The following ROBO2 variants were observed in gnomAD, a reference collection of about 807,000 sequenced individuals.
The protein encoded by ROBO2 is roundabout homolog 2.
A neutral mutation model predicts 160.8 loss-of-function variants in ROBO2; 53 were observed. The ratio of observed to expected loss-of-function variants is 0.33; its 90% CI spans 0.26 to 0.41. The LOEUF (loss-of-function observed/expected upper bound fraction) is 0.41. ROBO2 is among the 10% of genes least tolerant of loss of function. The pLI is 1.00. For missense variants in ROBO2, 1,577 were observed against 1,722.4 expected (o/e 0.92, Z 1.49); for synonymous variants, 664 against 611.7 (o/e 1.09, Z -1.26).
At chr3:77,196,024 G>A (rs2150977163) in intron 2 of ROBO2, among the ~76,000 whole-genome samples, 1 of 152,276 alleles carries the variant, frequency 6.6e-6, no homozygotes, top group Admixed American at 6.5e-5. Context: ...ATTCGGACTA[G>A]GGGGCATCAT....
intron 2 of ROBO2, among the ~76,000 whole-genome samples, chr3:77,337,941 T>C (rs1219709997): frequency 6.6e-6 from 1 of 152,200 alleles, no homozygotes; most frequent in Non-Finnish European, 1.5e-5. Context: ...AAGTTTGTTA[T>C]AGTAAATAAT....
At chr3:76,234,022 T>C (rs1312285270) in intron 2 of ROBO2, among the ~76,000 whole-genome samples, 2 of 152,166 alleles carry the variant, frequency 1.3e-5, no homozygotes, top group Non-Finnish European at 2.9e-5. Context: ...CTTCTTTGTG[T>C]TGATATGTAT....
chr3:76,701,858 A>G (rs987486870), intron 2 of ROBO2, among the ~76,000 whole-genome samples: 19 of 151,904 alleles, frequency 1.3e-4, no homozygotes, highest in Non-Finnish European at 1.9e-4. Context: ...TAAAAAAAAA[A>G]AAAAACAAAG....
intron 2 of ROBO2, among the ~76,000 whole-genome samples, chr3:76,891,073 T>G (rs1018915749): frequency 1.2e-4 from 19 of 152,216 alleles, no homozygotes; most frequent in African/African-American, 2.4e-5. Context: ...TCATGATTTA[T>G]TATTTCACTT....
chr3:76,173,172 C>G (rs960000594), intron 2 of ROBO2, among the ~76,000 whole-genome samples: 2 of 128,380 alleles, frequency 1.6e-5, no homozygotes, highest in African/African-American at 6.6e-5. Context: ...CACTTTTATT[C>G]ATCTTCATAA....
chr3:76,266,481 T>C (rs1404436796), intron 2 of ROBO2, among the ~76,000 whole-genome samples: 1 of 152,166 alleles, frequency 6.6e-6, no homozygotes, highest in Non-Finnish European at 1.5e-5. Flanking sequence ...GCCTCTGTTC[T>C]AAATCAGAGA....
At chr3:77,285,624 A>G (rs1023878675) in intron 2 of ROBO2, among the ~76,000 whole-genome samples, 1 of 152,142 alleles carries the variant, frequency 6.6e-6, no homozygotes, top group Non-Finnish European at 1.5e-5. Context: ...TTTTTAAACT[A>G]AAGCATTATG....
chr3:76,924,462 G>C (rs968665141), intron 2 of ROBO2, among the ~76,000 whole-genome samples: 20 of 152,206 alleles, frequency 1.3e-4, no homozygotes, highest in African/African-American at 4.8e-4. Flanking sequence ...GAATCTGCCA[G>C]TGCCTTGATC....
At chr3:77,648,053 C>A (rs1372588212) in exon 26 of ROBO2, 2 of 152,048 alleles carry the variant, frequency 1.3e-5, no homozygotes, top group Admixed American at 6.6e-5. Context: ...GTTATTAAAC[C>A]CTTTATCAAC....
intron 2 of ROBO2, among the ~76,000 whole-genome samples, chr3:76,060,776 ATAAT>A (rs1355924923): frequency 6.6e-6 from 1 of 152,210 alleles, no homozygotes; most frequent in Non-Finnish European, 1.5e-5. Context: ...TATGTGAAAG[ATAAT>A]TAATAGATCT....
intron 2 of ROBO2, among the ~76,000 whole-genome samples, chr3:76,034,605 T>C (rs2067038942): frequency 6.6e-6 from 1 of 152,176 alleles, no homozygotes; most frequent in Admixed American, 6.5e-5. Context: ...GGAAAAATAT[T>C]TATTTTGCAG....
intron 2 of ROBO2, among the ~76,000 whole-genome samples, chr3:76,982,786 A>T (rs926980554): frequency 6.6e-6 from 1 of 152,188 alleles, no homozygotes; most frequent in Non-Finnish European, 1.5e-5. Context: ...TGTATTGAAA[A>T]TGATATTAGG....
chr3:76,532,708 T>G (rs544487934), intron 2 of ROBO2, among the ~76,000 whole-genome samples: 1 of 152,106 alleles, frequency 6.6e-6, no homozygotes, highest in Non-Finnish European at 1.5e-5. Flanking sequence ...AAAAGATGCA[T>G]GTTCTAAGCA....
chr3:77,256,384 T>C (rs1248529556), intron 2 of ROBO2, among the ~76,000 whole-genome samples: 43 of 152,320 alleles, frequency 2.8e-4, no homozygotes, highest in African/African-American at 2.4e-5. Flanking sequence ...CTGCATAACA[T>C]GTAATTTGAG....
chr3:77,195,341 G>A (rs1421626773), intron 2 of ROBO2, among the ~76,000 whole-genome samples: 1 of 152,058 alleles, frequency 6.6e-6, no homozygotes, highest in Non-Finnish European at 1.5e-5. Context: ...GAAATATTAA[G>A]CAGTTATAAA....
At chr3:77,111,094 T>G (rs1418659750) in intron 2 of ROBO2, among the ~76,000 whole-genome samples, 1 of 152,162 alleles carries the variant, frequency 6.6e-6, no homozygotes, top group South Asian at 2.1e-4. Flanking sequence ...ATTAATAAAT[T>G]TGACTTTATT....
intron 2 of ROBO2, among the ~76,000 whole-genome samples, chr3:77,234,017 C>T (rs1403524247): frequency 6.6e-6 from 1 of 152,096 alleles, no homozygotes; most frequent in Admixed American, 6.6e-5. Flanking sequence ...TATTTCCTAG[C>T]TGAATTAGTT....
At chr3:77,329,456 T>C (rs766518504) in intron 2 of ROBO2, among the ~76,000 whole-genome samples, 24 of 152,216 alleles carry the variant, frequency 1.6e-4, no homozygotes, top group Non-Finnish European at 2.2e-4. Flanking sequence ...TGTTAACCCT[T>C]GGTTACACAG....
intron 2 of ROBO2, among the ~76,000 whole-genome samples, chr3:75,976,083 G>T (rs2065125717): frequency 6.6e-6 from 1 of 151,548 alleles, no homozygotes; most frequent in South Asian, 2.1e-4. Context: ...AGCCTTCACT[G>T]GAGAGGAGAG....
Sources: gnomAD v4.1 joint callset for allele counts (sites outside exome capture counted in the v4.1 genomes callset) on GRCh38, gnomAD v4.1.1 for gene constraint, MANE v1.5 for transcripts, NCBI Gene and HGNC (gene_info 2026-07-23, HGNC 2026-07-21) for gene names.